Variants in PLEKHA3 observed in about 807,000 individuals in gnomAD.
PLEKHA3 encodes the protein pleckstrin homology domain-containing family A member 3.
A neutral mutation model predicts 39.2 loss-of-function variants in PLEKHA3; 19 were observed. The ratio of observed to expected loss-of-function variants is 0.48; its 90% CI spans 0.34 to 0.71. PLEKHA3 has a LOEUF of 0.71. Ranked by LOEUF, PLEKHA3 falls within the 30% of genes least tolerant of loss-of-function variation. PLEKHA3 has a pLI of 0.01. For missense variants in PLEKHA3, 253 were observed against 359.5 expected, an observed-to-expected ratio of 0.70 and a Z score of 2.40; for synonymous variants, 97 against 118.6, an observed-to-expected ratio of 0.82 and a Z score of 1.18.
At chr2:178,487,182 A>G (rs749439769) in intron 2 of PLEKHA3, among the ~76,000 whole-genome samples, 6 of 152,206 alleles carry the variant, frequency 3.9e-5, no homozygotes, top group Non-Finnish European at 7.3e-5. Context: ...ATTCTTGCTG[A>G]AGGCAGGCTG....
In PLEKHA3 at chr2:178,506,395, G is replaced by T. The variant is rs1685601021; in HGVS notation, c.*2508G>T. 6.6e-6 allele frequency: 1 copy of T among 152,108 alleles called. No individual in the cohort carries two copies. Among genetic ancestry groups the T allele is most frequent in the Non-Finnish European group, 1.5e-5 (1 of 68,014 alleles). The allele number at this position is 152,108 out of a possible 1,614,324, so 9.4% of individuals were successfully genotyped here. On this transcript the variant is annotated 3_prime_UTR_variant, in exon 8 of 8. Coordinates refer to ENST00000234453, the MANE Select transcript of PLEKHA3 (RefSeq NM_019091.4). ...ATTTTGATACAATTCTTTTATAAAT[G>T]AGCTGAATTTGAATTTTCTTACATC...
At chr2:178,485,046 C>T (rs1685226912) in intron 1 of PLEKHA3, among the ~76,000 whole-genome samples, 1 of 152,192 alleles carries the variant, frequency 6.6e-6, no homozygotes, top group Admixed American at 6.5e-5. Context: ...TCATTTAGCA[C>T]TCATTGTGTT....
chr2:178,498,275 C>T (rs1685477242), intron 5 of PLEKHA3, among the ~76,000 whole-genome samples: 1 of 152,202 alleles, frequency 6.6e-6, no homozygotes. Context: ...CCATTTGCAT[C>T]TTAATGTCAA....
chr2:178,506,011 G>A lies in PLEKHA3; in HGVS notation c.*2124G>A, dbSNP rs995287391. On this transcript the variant is annotated 3_prime_UTR_variant, in exon 8 of 8. Coordinates refer to ENST00000234453, the MANE Select transcript of PLEKHA3 (RefSeq NM_019091.4). ...TTGATCAGTGAATTAGTAGCATGAA[G>A]AAACCTATAAAGCTTAAGGGAACCT... The A allele has an allele frequency of 6.6e-6, 1 of 152,012 alleles. No homozygotes were observed. Among genetic ancestry groups the A allele is most frequent in the Non-Finnish European group, 1.5e-5 (1 of 67,990 alleles). 9.4% of individuals were successfully genotyped at this position (152,012 alleles called of 1,614,324 possible).
At chr2:178,492,511 T>G (rs1454931234) in intron 3 of PLEKHA3, among the ~76,000 whole-genome samples, 1 of 149,374 alleles carries the variant, frequency 6.7e-6, no homozygotes, top group African/African-American at 2.5e-5. Flanking sequence ...TTGGTAGATA[T>G]ACCTAATGCT....
intron 1 of PLEKHA3, among the ~76,000 whole-genome samples, chr2:178,483,432 A>G (rs1685203990): frequency 6.6e-6 from 1 of 152,190 alleles, no homozygotes; most frequent in South Asian, 2.1e-4. Context: ...CCAATTAGAA[A>G]TTGTTTTATT....
intron 3 of PLEKHA3, among the ~76,000 whole-genome samples, chr2:178,491,603 GAAAGC>G (rs2154127740): frequency 6.6e-6 from 1 of 152,296 alleles, no homozygotes; most frequent in South Asian, 2.1e-4. Context: ...TTTAGAAACT[GAAAGC>G]AAAGCAAATG....
chr2:178,496,441 C>T (rs575772113), intron 5 of PLEKHA3, among the ~76,000 whole-genome samples: 3 of 152,274 alleles, frequency 2.0e-5, no homozygotes, highest in African/African-American at 7.2e-5. Context: ...CAGCAATTAC[C>T]TGAAGATCTA....
At chr2:178,489,313 A>G (rs1175933390) in intron 2 of PLEKHA3, among the ~76,000 whole-genome samples, 2 of 152,230 alleles carry the variant, frequency 1.3e-5, no homozygotes, top group Non-Finnish European at 2.9e-5. Context: ...GCCATAATAC[A>G]CTAAACATCT....
intron 5 of PLEKHA3, among the ~76,000 whole-genome samples, chr2:178,498,071 C>T (rs923961231): frequency 1.3e-5 from 2 of 152,020 alleles, no homozygotes; most frequent in Non-Finnish European, 1.5e-5. Flanking sequence ...TTAATCTGAT[C>T]TTTATAAGCA....
At chr2:178,491,010 C>CTTTTTTTTTTTTTT (rs1204723389) in intron 3 of PLEKHA3, among the ~76,000 whole-genome samples, 196 bp downstream of exon 3, 23 of 129,524 alleles carry the variant, frequency 1.8e-4, no homozygotes, top group African/African-American at 4.7e-4. Flanking sequence ...CTCTTTCTTT[C>CTTTTTTTTTTTTTT]TTTTTTTTTT....
Position 178,511,035 on chromosome 2 carries a change from C to CT in PLEKHA3, c.*7154dup, listed in dbSNP as rs886483703. 6.6e-6 allele frequency: 1 copy of CT among 151,966 alleles called. No individual in the cohort carries two copies. Among genetic ancestry groups the CT allele is most frequent in the Non-Finnish European group, 1.5e-5 (1 of 67,992 alleles). The allele number at this position is 151,966 out of a possible 1,614,324, so 9.4% of individuals were successfully genotyped here. A position where few individuals can be genotyped will look rare whatever the true frequency, so the allele number is the denominator to read the frequency against. Reference sequence around the variant, plus strand: ...AATCTCTTTCAGATATTTTAAGTATCTTTTTTGTGTCTGGATTCAGAGAGG... The same window carrying CT: ...AATCTCTTTCAGATATTTTAAGTATCTTTTTTTGTGTCTGGATTCAGAGAGG... On this transcript the variant is annotated 3_prime_UTR_variant, in exon 8 of 8. Transcript: ENST00000234453.
chr2:178,511,040 T>A lies in PLEKHA3; in HGVS notation c.*7153T>A, dbSNP rs1004902134. On this transcript the variant is annotated 3_prime_UTR_variant, in exon 8 of 8. Transcript: ENST00000234453. ...CTTTCAGATATTTTAAGTATCTTTT[T>A]TGTGTCTGGATTCAGAGAGGTATGA... The A allele has an allele frequency of 6.6e-6, 1 of 152,220 alleles. No individual in the cohort carries two copies. 9.4% of individuals were successfully genotyped at this position (152,220 alleles called of 1,614,324 possible). A position where few individuals can be genotyped will look rare whatever the true frequency, so the allele number is the denominator to read the frequency against.
Position 178,504,512 on chromosome 2 carries a change from G to A in PLEKHA3, c.*625G>A, listed in dbSNP as rs1258709022. On this transcript the variant is annotated 3_prime_UTR_variant, in exon 8 of 8. Transcript: ENST00000234453. Reference sequence around the variant, plus strand: ...TCAATACCAAATTTTGGGTTAAAGTGTTTAATTTTTATGTATTTATTTTCT... The same window carrying A: ...TCAATACCAAATTTTGGGTTAAAGTATTTAATTTTTATGTATTTATTTTCT... The A allele has an allele frequency of 6.6e-6, 1 of 152,318 alleles. No homozygotes were observed. Among genetic ancestry groups the A allele is most frequent in the Non-Finnish European group, 1.5e-5 (1 of 67,822 alleles). 9.4% of individuals were successfully genotyped at this position (152,318 alleles called of 1,614,324 possible). A position where few individuals can be genotyped will look rare whatever the true frequency, so the allele number is the denominator to read the frequency against.
chr2:178,490,745 C>G lies in PLEKHA3; in HGVS notation c.244C>G (p.Gln82Glu). ...GAAGGCAGTGAATGCAGCTGAAAGA[C>G]AGAGGTGGCTGGTCGCTCTGGGGAG... ...YMKAVNAAER[Q>E]RWLVALGSSK... Residue 82 changes from glutamine to glutamate, a missense_variant, in exon 3 of 8, where the codon CAG becomes GAG. Gln to Glu is a conservative substitution (Grantham distance 29). Transcript: ENST00000234453. The G allele has an allele frequency of 6.2e-7, 1 of 1,614,068 alleles. No homozygotes were observed. The highest frequency in any genetic ancestry group is 8.5e-7 in the Non-Finnish European group (1 of 1,179,960).
intron 5 of PLEKHA3, among the ~76,000 whole-genome samples, chr2:178,497,085 C>A (rs958113399): frequency 6.6e-6 from 1 of 151,236 alleles, no homozygotes; most frequent in South Asian, 2.1e-4. Context: ...CATGCCCAGC[C>A]GTCACACCCT....
rs182574433 is a variant in PLEKHA3 at position 178,508,527 on chromosome 2, G to T, written c.*4640G>T. The T allele has an allele frequency of 2.0e-4, 31 of 152,772 alleles. No individual in the cohort carries two copies. Among genetic ancestry groups the T allele is most frequent in the Non-Finnish European group, 1.5e-5 (1 of 67,970 alleles). 9.5% of individuals were successfully genotyped at this position (152,772 alleles called of 1,614,324 possible). A position where few individuals can be genotyped will look rare whatever the true frequency, so the allele number is the denominator to read the frequency against. ...GAAATCATCTATTCATATTAGTCAT[G>T]TATTAAAAAGCTAATGTCATAGGTC... On this transcript the variant is annotated 3_prime_UTR_variant, in exon 8 of 8. Coordinates refer to ENST00000234453, the MANE Select transcript of PLEKHA3 (RefSeq NM_019091.4).
At chr2:178,492,709 T>C (rs1685370953) in intron 3 of PLEKHA3, among the ~76,000 whole-genome samples, 1 of 151,874 alleles carries the variant, frequency 6.6e-6, no homozygotes, top group Non-Finnish European at 1.5e-5. Context: ...CAGTCATACT[T>C]ATACAGACAG....
In PLEKHA3 at chr2:178,482,277, T is replaced by C. The variant is rs143627629; in HGVS notation, c.40+1368T>C. On this transcript the variant is annotated intron_variant, in intron 1 of 7. Coordinates refer to ENST00000234453, the MANE Select transcript of PLEKHA3 (RefSeq NM_019091.4). ...TTAAAGACAGTAGAGTGCTTCATGC[T>C]TGTAATCCCAGCACTTTGGGAGGCG... is the stretch of plus-strand genomic sequence containing the variant. 1.5e-3 allele frequency among the ~76,000 whole-genome samples: 221 copies of C among 152,190 alleles called. 5 individuals carry two copies. The South Asian group carries it at 0.022, about 15-fold the overall frequency.
Sources: gnomAD v4.1 joint callset for allele counts (sites outside exome capture counted in the v4.1 genomes callset) on GRCh38, gnomAD v4.1.1 for gene constraint, MANE v1.5 for transcripts, NCBI Gene and HGNC (gene_info 2026-07-23, HGNC 2026-07-21) for gene names.